Variants in HP1BP3 observed in about 807,000 individuals in gnomAD.
HP1BP3 encodes heterochromatin protein 1-binding protein 3.
A neutral mutation model predicts 62.5 loss-of-function variants in HP1BP3; 12 were observed. The observed-to-expected ratio is 0.19, with a 90% CI of 0.12 to 0.31. HP1BP3 has a LOEUF of 0.31. Among genes scored for constraint, HP1BP3 ranks in the 10% least tolerant of loss-of-function variants. HP1BP3 has a pLI of 1.00. For synonymous variants in HP1BP3, 260 were observed against 237.8 expected (o/e 1.09, Z -0.86); for missense variants, 502 against 651.8 (o/e 0.77, Z 2.50).
rs1015896576 is a variant in HP1BP3 at position 20,747,525 on chromosome 1, T to C, written c.1253+19A>G. Reference sequence around the variant, plus strand: ...TAGACTATAAATTTACAGTGATCTATTATAGGCTAAGTACTTACCTGGGAT... The same window carrying C: ...TAGACTATAAATTTACAGTGATCTACTATAGGCTAAGTACTTACCTGGGAT... On this transcript the variant is annotated intron_variant, in intron 11 of 12. Coordinates refer to ENST00000438032, the MANE Select transcript of HP1BP3 (RefSeq NM_001372052.1). 4 of 1,435,964 alleles carry C rather than the reference T, an allele frequency of 2.8e-6. No homozygotes were observed. The highest frequency in any genetic ancestry group is 3.9e-6 in the Non-Finnish European group (4 of 1,024,342). The allele number at this position is 1,435,964 out of a possible 1,614,324, so 89.0% of individuals were successfully genotyped here.
Position 20,780,424 on chromosome 1 carries a change from G to A in HP1BP3, c.17C>T (p.Ser6Phe). MATDTSQGELVHPKAL... is the reference protein window; with the variant it reads MATDTFQGELVHPKAL... ...CTTAGGATGGACGAGTTCACCTTGA[G>A]ACGTATCAGTCGCCATTTTAAATAA... Residue 6 changes from serine to phenylalanine, a missense_variant, in exon 2 of 13, where the codon TCT becomes TTT. By Grantham distance (155) the Ser-to-Phe change is radical. Coordinates refer to ENST00000438032, the MANE Select transcript of HP1BP3 (RefSeq NM_001372052.1). 6.2e-7 allele frequency: 1 copy of A among 1,613,006 alleles called. No homozygotes were observed. The highest frequency in any genetic ancestry group is 8.5e-7 in the Non-Finnish European group (1 of 1,178,972).
At chr1:20,763,449 A>G (rs900794521) in intron 8 of HP1BP3, among the ~76,000 whole-genome samples, 1 of 152,222 alleles carries the variant, frequency 6.6e-6, no homozygotes, top group Non-Finnish European at 1.5e-5. Flanking sequence ...TCTGATGACC[A>G]CTACTGATTT....
intron 9 of HP1BP3, among the ~76,000 whole-genome samples, chr1:20,754,773 C>T (rs572214507): frequency 2.0e-5 from 3 of 152,230 alleles, no homozygotes; most frequent in African/African-American, 7.2e-5. Flanking sequence ...CACACACCCA[C>T]ATGCAAAAAG....
chr1:20,782,728 C>A (rs542999325), intron 1 of HP1BP3, among the ~76,000 whole-genome samples: 1 of 151,682 alleles, frequency 6.6e-6, no homozygotes, highest in Non-Finnish European at 1.5e-5. Context: ...GGTGAAACCC[C>A]GTCTCTACTA....
intron 4 of HP1BP3, chr1:20,776,378 C>T: frequency 2.1e-6 from 1 of 465,890 alleles, no homozygotes; most frequent in Non-Finnish European, 3.7e-6. Flanking sequence ...ATGACAAAGA[C>T]TTTTGGATTA....
chr1:20,760,285 T>C (rs992751787), intron 8 of HP1BP3, among the ~76,000 whole-genome samples: 4 of 152,028 alleles, frequency 2.6e-5, no homozygotes, highest in Non-Finnish European at 5.9e-5. Flanking sequence ...ACACCTGTAA[T>C]CCCAACACCT....
At chr1:20,749,235 TTTGA>T (rs150196522) in intron 10 of HP1BP3, among the ~76,000 whole-genome samples, 2,233 of 152,222 alleles carry the variant, frequency 0.015, 16 homozygotes, top group Non-Finnish European at 0.023. Flanking sequence ...AGAATTCAGT[TTTGA>T]TTATTTGTTT....
chr1:20,759,762 A>G (rs1345207044), intron 8 of HP1BP3, among the ~76,000 whole-genome samples: 1 of 152,208 alleles, frequency 6.6e-6, no homozygotes, highest in Non-Finnish European at 1.5e-5. Context: ...GGGGAAAAAT[A>G]CATTCAGGTA....
intron 7 of HP1BP3, 105 bp from the exon 8 acceptor site, chr1:20,765,636 G>A (rs1262187530): frequency 1.1e-6 from 1 of 871,224 alleles, no homozygotes; most frequent in Non-Finnish European, 1.8e-6. Flanking sequence ...CAATTTTATG[G>A]CAATTTCTTT....
intron 12 of HP1BP3, 137 bp downstream of exon 12, chr1:20,745,406 T>C: frequency 8.9e-7 from 1 of 1,118,104 alleles, no homozygotes. Flanking sequence ...AGAAGATCAA[T>C]CCAAATTTAT....
rs1424059872 is a variant in HP1BP3, at chr1:20,780,360, C to T, written c.81G>A (p.Ala27=). 6 of 1,613,032 alleles carry T rather than the reference C, an allele frequency of 3.7e-6. No individual in the cohort carries two copies. The highest frequency in any genetic ancestry group is 2.7e-5 in the African/African-American group (2 of 74,882). The change falls in exon 2 of 13, where the codon GCG becomes GCA. Residue 27 remains alanine (A), a synonymous_variant. Transcript: ENST00000438032. ...CAGCCCCTACCTCACCTAACTTGTC[C>T]GCGTGGATCAGCTGAGCTCCTACTA... is the stretch of plus-strand genomic sequence containing the variant. ...PLIVGAQLIH[A]DKLGEKVEDS...
intron 2 of HP1BP3, among the ~76,000 whole-genome samples, 153 bp from the exon 3 acceptor site, chr1:20,780,064 T>G (rs1196907945): frequency 6.6e-6 from 1 of 152,160 alleles, no homozygotes; most frequent in Non-Finnish European, 1.5e-5. Flanking sequence ...TTTTTTGAAG[T>G]GAAATATGAT....
chr1:20,761,561 A>G (rs2056484094), intron 8 of HP1BP3, among the ~76,000 whole-genome samples: 1 of 142,408 alleles, frequency 7.0e-6, no homozygotes, highest in African/African-American at 2.6e-5. Context: ...TTCAACATTT[A>G]AATCAGACAT....
intron 8 of HP1BP3, 102 bp from the exon 9 acceptor site, chr1:20,757,358 C>CTATTATTAT: frequency 2.3e-6 from 1 of 435,602 alleles, no homozygotes; most frequent in Non-Finnish European, 3.7e-6. Flanking sequence ...GTTCTGATTA[C>CTATTATTAT]TATTATTATT....
chr1:20,752,735 C>T (rs1272293239), intron 9 of HP1BP3, among the ~76,000 whole-genome samples: 1 of 152,086 alleles, frequency 6.6e-6, no homozygotes, highest in Non-Finnish European at 1.5e-5. Flanking sequence ...AAAAAAAGAG[C>T]ACGAATTCAC....
intron 10 of HP1BP3, among the ~76,000 whole-genome samples, chr1:20,748,236 G>A (rs1387424368): frequency 1.3e-5 from 2 of 152,138 alleles, no homozygotes; most frequent in East Asian, 1.9e-4. Context: ...AATCATCTAG[G>A]AGAATCTCTT....
intron 3 of HP1BP3, among the ~76,000 whole-genome samples, chr1:20,779,067 G>C (rs564941165): frequency 3.9e-5 from 6 of 152,308 alleles, no homozygotes; most frequent in African/African-American, 1.4e-4. Flanking sequence ...TGGGATTACA[G>C]GTGTGAGCCA....
At chr1:20,762,640 T>G (rs611658) in intron 8 of HP1BP3, among the ~76,000 whole-genome samples, 67,173 of 151,822 alleles carry the variant, frequency 0.44, 15,396 homozygotes, top group African/African-American at 0.54. Context: ...AACTCAAAAA[T>G]AATGAAATTC....
In HP1BP3 at chr1:20,741,855, C is replaced by T. The variant is rs1276195447; in HGVS notation, c.*2942G>A. On this transcript the variant is annotated 3_prime_UTR_variant, in exon 13 of 13. Transcript: ENST00000438032. Reference sequence around the variant, plus strand: ...CCTCTGGGGTTTGTTGTTCCCCTTTCTGAACATGGAAGTAAAAATTATAAA... The same window carrying T: ...CCTCTGGGGTTTGTTGTTCCCCTTTTTGAACATGGAAGTAAAAATTATAAA... Among the ~76,000 whole-genome samples, 1 of 152,196 alleles carries T rather than the reference C, an allele frequency of 6.6e-6. No homozygotes were observed. The highest frequency in any genetic ancestry group is 2.4e-5 in the African/African-American group (1 of 41,434).
Sources: allele counts gnomAD v4.1 joint callset (sites outside exome capture counted in the v4.1 genomes callset), GRCh38; gene constraint gnomAD v4.1.1; transcripts MANE v1.5; gene names NCBI Gene and HGNC (gene_info 2026-07-23, HGNC 2026-07-21).